The following SRGAP1 variants were observed in gnomAD, a reference collection of about 807,000 sequenced individuals.
The protein encoded by SRGAP1 is SLIT-ROBO Rho GTPase activating protein 1.
In SRGAP1, 43 loss-of-function variants were observed where a neutral mutation model predicts 121.9. That is an observed-to-expected ratio of 0.35 (90% confidence interval 0.28 to 0.46). The LOEUF (loss-of-function observed/expected upper bound fraction) is 0.46, where lower values mean the gene tolerates loss of function less well. Among genes scored for constraint, SRGAP1 ranks in the 20% least tolerant of loss-of-function variants. The pLI is 1.00. For missense variants in SRGAP1, 1,102 were observed against 1,350.9 expected (o/e 0.82, Z 2.89); for synonymous variants, 447 against 485.4 (o/e 0.92, Z 1.04).
intron 1 of SRGAP1, among the ~76,000 whole-genome samples, chr12:63,864,487 C>T (rs553575828): frequency 5.6e-4 from 85 of 152,292 alleles, no homozygotes; most frequent in African/African-American, 1.9e-3. Context: ...TCTCCCAGCT[C>T]AGCTACTTTC....
rs535384778 is a variant in SRGAP1 at position 63,940,760 on chromosome 12, G to T, written c.68-43187G>T. 1.5e-3 allele frequency among the ~76,000 whole-genome samples: 235 copies of T among 152,286 alleles called. 1 individual carries two copies. The highest frequency in any genetic ancestry group is 5.3e-3 in the African/African-American group (221 of 41,552). ...CCTCCGTTTGTTTCTTACATTCCAG[G>T]GTTATCATCGTTGGAGGCAACATGC... is the stretch of plus-strand genomic sequence containing the variant. On this transcript the variant is annotated intron_variant, in intron 1 of 21. Transcript: ENST00000355086.
chr12:63,988,146 A>G (rs76611098), intron 2 of SRGAP1, among the ~76,000 whole-genome samples: 2 of 152,256 alleles, frequency 1.3e-5, no homozygotes, highest in East Asian at 1.9e-4. Flanking sequence ...TACTACTGCT[A>G]TTATTACTAA....
chr12:64,032,920 A>G (rs1219599773), intron 4 of SRGAP1, among the ~76,000 whole-genome samples: 2 of 152,184 alleles, frequency 1.3e-5, no homozygotes, highest in African/African-American at 2.4e-5. Flanking sequence ...TTTTATCATT[A>G]TACAAAGTAT....
At chr12:64,090,254 G>A (rs2036024771) in intron 11 of SRGAP1, among the ~76,000 whole-genome samples, 1 of 152,144 alleles carries the variant, frequency 6.6e-6, no homozygotes, top group Admixed American at 6.5e-5. Context: ...ACTACATGCT[G>A]CACTAGATGT....
chr12:63,868,086 TTTTTTTG>T (rs1899721348), intron 1 of SRGAP1, among the ~76,000 whole-genome samples: 114 of 82,492 alleles, frequency 1.4e-3, no homozygotes, highest in African/African-American at 4.6e-3. Context: ...TTTGTTTTTT[TTTTTTTG>T]TTTTTTGAGA....
At chr12:63,900,486 G>A (rs1021464074) in intron 1 of SRGAP1, among the ~76,000 whole-genome samples, 1 of 151,790 alleles carries the variant, frequency 6.6e-6, no homozygotes, top group East Asian at 2.0e-4. Context: ...TTACAGGCGT[G>A]AGCCACCTGT....
chr12:63,872,692 G>A (rs746761162), intron 1 of SRGAP1, among the ~76,000 whole-genome samples: 6 of 152,164 alleles, frequency 3.9e-5, no homozygotes, highest in Non-Finnish European at 7.4e-5. Flanking sequence ...TCAAGGACAG[G>A]GATTTGTTTT....
chr12:64,063,682 A>C (rs926404590), intron 7 of SRGAP1, among the ~76,000 whole-genome samples: 1 of 152,134 alleles, frequency 6.6e-6, no homozygotes, highest in African/African-American at 2.4e-5. Flanking sequence ...TAAACTGATT[A>C]TGAGTTACAG....
At chr12:64,114,164 C>T (rs561733605) in intron 17 of SRGAP1, among the ~76,000 whole-genome samples, 1 of 152,164 alleles carries the variant, frequency 6.6e-6, no homozygotes, top group East Asian at 1.9e-4. Flanking sequence ...ACCAACTTTA[C>T]ACATGAAGTT....
At chr12:63,904,789 G>A (rs1028880960) in intron 1 of SRGAP1, among the ~76,000 whole-genome samples, 1 of 152,030 alleles carries the variant, frequency 6.6e-6, no homozygotes, top group Non-Finnish European at 1.5e-5. Flanking sequence ...TAAAAAATTA[G>A]CCAGGCATAA....
chr12:63,878,561 G>A (rs981369493), intron 1 of SRGAP1, among the ~76,000 whole-genome samples: 2 of 152,150 alleles, frequency 1.3e-5, no homozygotes, highest in African/African-American at 2.4e-5. Context: ...CTGATAAACT[G>A]TCAGCTTTTG....
intron 1 of SRGAP1, among the ~76,000 whole-genome samples, chr12:63,933,575 A>G (rs900075435): frequency 9.8e-5 from 15 of 152,352 alleles, no homozygotes; most frequent in Middle Eastern, 3.4e-3. Flanking sequence ...TATTGAAAAC[A>G]TCATATCTAA....
intron 1 of SRGAP1, among the ~76,000 whole-genome samples, chr12:63,858,099 T>C (rs1899315353): frequency 6.6e-6 from 1 of 152,172 alleles, no homozygotes; most frequent in Admixed American, 6.6e-5. Flanking sequence ...TTCTTTACTC[T>C]GTTAATGTGA....
At chr12:63,912,208 T>G (rs1231320549) in intron 1 of SRGAP1, among the ~76,000 whole-genome samples, 1 of 152,214 alleles carries the variant, frequency 6.6e-6, no homozygotes, top group Admixed American at 6.5e-5. Context: ...TTAACTCATT[T>G]AATCCTCACA....
intron 1 of SRGAP1, among the ~76,000 whole-genome samples, chr12:63,967,883 A>T (rs1037269101): frequency 2.0e-5 from 3 of 152,242 alleles, no homozygotes; most frequent in Admixed American, 6.5e-5. Context: ...CCTGAGAAAC[A>T]GTTCCAGTAA....
At chr12:64,020,624 C>T (rs1746812929) in intron 4 of SRGAP1, among the ~76,000 whole-genome samples, 1 of 152,088 alleles carries the variant, frequency 6.6e-6, no homozygotes, top group African/African-American at 2.4e-5. Flanking sequence ...GGGTGGATCA[C>T]CTGAGGTCAG....
chr12:64,022,571 A>G (rs938397518), intron 4 of SRGAP1, among the ~76,000 whole-genome samples: 2 of 152,096 alleles, frequency 1.3e-5, no homozygotes, highest in African/African-American at 4.8e-5. Flanking sequence ...ATATCTGGGC[A>G]CCCCACGGCC....
chr12:63,869,710 G>A (rs977367777), intron 1 of SRGAP1, among the ~76,000 whole-genome samples: 11 of 152,230 alleles, frequency 7.2e-5, no homozygotes, highest in African/African-American at 9.6e-5. Flanking sequence ...ACTTGTAATC[G>A]AATCCAAAAT....
Position 64,111,790 on chromosome 12 carries a change from A to G in SRGAP1, c.1948A>G (p.Met650Val), listed in dbSNP as rs1236861673. ...HLSQYSDENM[M>V]DPYNLAICFG... ...ATCACAGTACAGCGATGAGAATATG[A>G]TGGACCCTTATAACCTGGCCATTTG... is the stretch of plus-strand genomic sequence containing the variant. The change falls in exon 17 of 22, where the codon ATG (methionine) becomes GTG (valine). Residue 650 changes from methionine to valine, a missense_variant. Coordinates refer to ENST00000355086, the MANE Select transcript of SRGAP1 (RefSeq NM_020762.4). 1.2e-6 allele frequency: 2 copies of G among 1,613,782 alleles called. No homozygotes were observed. The highest frequency in any genetic ancestry group is 1.7e-6 in the Non-Finnish European group (2 of 1,179,896).
Sources: gnomAD v4.1 joint callset for allele counts (sites outside exome capture counted in the v4.1 genomes callset) on GRCh38, gnomAD v4.1.1 for gene constraint, MANE v1.5 for transcripts, NCBI Gene and HGNC (gene_info 2026-07-23, HGNC 2026-07-21) for gene names.